The following DIS3L2 variants were observed in gnomAD, a reference collection of about 807,000 sequenced individuals.
The protein encoded by DIS3L2 is DIS3-like exonuclease 2.
In DIS3L2, 34 loss-of-function variants were observed where a neutral mutation model predicts 97.5. The ratio of observed to expected loss-of-function variants is 0.35; its 90% CI spans 0.27 to 0.46. DIS3L2 has a LOEUF of 0.46. Among genes scored for constraint, DIS3L2 ranks in the 20% least tolerant of loss-of-function variants. The probability of loss-of-function intolerance (pLI) is 1.00; values close to 1 mark genes in which losing one functional copy is unlikely to be tolerated. For synonymous variants in DIS3L2, 435 were observed against 445.2 expected, an observed-to-expected ratio of 0.98 and a Z score of 0.29; for missense variants, 1,038 against 1,146.0, an observed-to-expected ratio of 0.91 and a Z score of 1.36.
At chr2:231,998,837 G>A (rs1489587778) in intron 1 of DIS3L2, among the ~76,000 whole-genome samples, 1 of 151,856 alleles carries the variant, frequency 6.6e-6, no homozygotes, top group East Asian at 1.9e-4. Context: ...ATTTATTTTT[G>A]TCTATCAGTA....
At chr2:232,050,818 A>G (rs1047817208) in intron 5 of DIS3L2, among the ~76,000 whole-genome samples, 3 of 152,256 alleles carry the variant, frequency 2.0e-5, no homozygotes, top group African/African-American at 7.2e-5. Context: ...AGACCATTGC[A>G]GAAATCAGAT....
chr2:232,267,404 C>T (rs550066285), intron 13 of DIS3L2, among the ~76,000 whole-genome samples: 10 of 152,318 alleles, frequency 6.6e-5, no homozygotes, highest in African/African-American at 2.4e-4. Flanking sequence ...AAAGCAAATG[C>T]AGATACCAAA....
intron 1 of DIS3L2, among the ~76,000 whole-genome samples, chr2:231,986,650 AAAG>A (rs1693421802): frequency 6.6e-6 from 1 of 152,248 alleles, no homozygotes; most frequent in African/African-American, 2.4e-5. Context: ...ACAGCTCTAC[AAAG>A]AAGCTTTTAT....
intron 4 of DIS3L2, among the ~76,000 whole-genome samples, chr2:232,026,140 GC>G (rs1294949005): frequency 6.6e-6 from 1 of 152,070 alleles, no homozygotes; most frequent in Non-Finnish European, 1.5e-5. Context: ...TATTGGGTTG[GC>G]TCCTAGCAAG....
intron 9 of DIS3L2, among the ~76,000 whole-genome samples, chr2:232,183,292 T>C (rs1559711766): frequency 6.6e-6 from 1 of 152,246 alleles, no homozygotes; most frequent in Non-Finnish European, 1.5e-5. Flanking sequence ...ACAGTTTGTA[T>C]TCTTTGTTAT....
Position 232,188,706 on chromosome 2 carries a change from G to A in DIS3L2, c.1125-21620G>A, listed in dbSNP as rs76109284. Reference sequence around the variant, plus strand: ...AGACTTTGACATAGTACAGTCCACAGAAGAAGAGGTTGGTAAATTGGATCT... The same window carrying A: ...AGACTTTGACATAGTACAGTCCACAAAAGAAGAGGTTGGTAAATTGGATCT... On this transcript the variant is annotated intron_variant, in intron 9 of 20. Coordinates refer to ENST00000325385, the MANE Select transcript of DIS3L2 (RefSeq NM_152383.5). Among the ~76,000 whole-genome samples the A allele has an allele frequency of 5.4e-3, 826 of 152,336 alleles. 3 individuals are homozygous for A. The highest frequency in any genetic ancestry group is 9.4e-3 in the African/African-American group (391 of 41,576).
chr2:232,091,704 A>G (rs1206009544), intron 6 of DIS3L2, among the ~76,000 whole-genome samples: 1 of 152,098 alleles, frequency 6.6e-6, no homozygotes, highest in Non-Finnish European at 1.5e-5. Context: ...AGCTATTTCT[A>G]GTTTTTTGAG....
intron 13 of DIS3L2, among the ~76,000 whole-genome samples, chr2:232,289,967 G>T (rs1281164178): frequency 1.3e-5 from 2 of 152,230 alleles, no homozygotes; most frequent in Non-Finnish European, 1.5e-5. Flanking sequence ...TTTCCCAGGT[G>T]CACAACCATC....
intron 5 of DIS3L2, among the ~76,000 whole-genome samples, chr2:232,079,686 T>C (rs1053139820): frequency 1.5e-4 from 22 of 151,318 alleles, no homozygotes; most frequent in African/African-American, 5.1e-4. Context: ...GGTGGGGCTA[T>C]TTCAGTTACT....
At chr2:232,328,106 G>A (rs1695626407) in intron 14 of DIS3L2, among the ~76,000 whole-genome samples, 1 of 152,196 alleles carries the variant, frequency 6.6e-6, no homozygotes, top group Admixed American at 6.5e-5. Context: ...TGGGAGGTGG[G>A]GTGGCACATC....
chr2:232,309,675 G>T (rs766788840), intron 14 of DIS3L2, among the ~76,000 whole-genome samples: 24 of 152,112 alleles, frequency 1.6e-4, no homozygotes, highest in Non-Finnish European at 2.8e-4. Flanking sequence ...CTGACGGAAA[G>T]TCCTCAAGCC....
intron 9 of DIS3L2, among the ~76,000 whole-genome samples, chr2:232,173,507 T>C (rs553869671): frequency 5.9e-5 from 9 of 152,268 alleles, no homozygotes; most frequent in Admixed American, 5.9e-4. Flanking sequence ...GCTGGGATCA[T>C]AGGCATGAGC....
intron 6 of DIS3L2, among the ~76,000 whole-genome samples, chr2:232,095,661 G>A (rs995791959): frequency 1.3e-5 from 2 of 152,098 alleles, no homozygotes; most frequent in African/African-American, 4.8e-5. Flanking sequence ...AGTGAGTTTT[G>A]TACCTTCAGA....
At chr2:232,015,769 A>T in intron 3 of DIS3L2, 98 bp downstream of exon 3, 1 of 1,410,486 alleles carries the variant, frequency 7.1e-7, no homozygotes, top group South Asian at 1.3e-5. Flanking sequence ...TTTCAGAGAG[A>T]CGATGATGTA....
intron 9 of DIS3L2, among the ~76,000 whole-genome samples, chr2:232,201,145 A>T (rs185527428): frequency 2.0e-5 from 3 of 152,354 alleles, no homozygotes; most frequent in Admixed American, 1.3e-4. Flanking sequence ...CTTATTATTT[A>T]CAAAGGGTAA....
chr2:232,075,280 AG>A (rs1696150929), intron 5 of DIS3L2, among the ~76,000 whole-genome samples: 1 of 152,202 alleles, frequency 6.6e-6, no homozygotes, highest in Non-Finnish European at 1.5e-5. Flanking sequence ...TGCATCACCC[AG>A]GGTCATTGGG....
At chr2:232,064,197 G>A (rs989547423) in intron 5 of DIS3L2, among the ~76,000 whole-genome samples, 1 of 152,040 alleles carries the variant, frequency 6.6e-6, no homozygotes, top group African/African-American at 2.4e-5. Context: ...CTTTACTCCC[G>A]AAAATTCCTT....
intron 4 of DIS3L2, among the ~76,000 whole-genome samples, chr2:232,028,584 T>C (rs1354361165): frequency 6.6e-6 from 1 of 152,186 alleles, no homozygotes; most frequent in Non-Finnish European, 1.5e-5. Flanking sequence ...CTGCTTATAA[T>C]AGAGGCATTT....
chr2:232,032,838 C>T (rs977944448), intron 5 of DIS3L2, among the ~76,000 whole-genome samples: 1 of 151,480 alleles, frequency 6.6e-6, no homozygotes, highest in Admixed American at 6.6e-5. Flanking sequence ...ATATTCTGTC[C>T]TATTGGTCTA....
Sources: gnomAD v4.1 joint callset for allele counts (sites outside exome capture counted in the v4.1 genomes callset) on GRCh38, gnomAD v4.1.1 for gene constraint, MANE v1.5 for transcripts, NCBI Gene and HGNC (gene_info 2026-07-23, HGNC 2026-07-21) for gene names.